THSD7A: variants seen among roughly 807,000 people sequenced by gnomAD.
The protein encoded by THSD7A is thrombospondin type-1 domain-containing protein 7A.
In THSD7A, 96 loss-of-function variants were observed where a neutral mutation model predicts 231.3. The observed-to-expected ratio is 0.41, with a 90% CI of 0.35 to 0.49. The LOEUF is 0.49. Among genes scored for constraint, THSD7A ranks in the 20% least tolerant of loss-of-function variants. The pLI, the probability that THSD7A is intolerant of heterozygous loss-of-function variation, is 0.05. For synonymous variants in THSD7A, 940 were observed against 743.3 expected (o/e 1.26, Z -4.30); for missense variants, 2,290 against 2,070.2 (o/e 1.11, Z -2.06).
chr7:11,504,332 G>C (rs185169160), intron 6 of THSD7A, among the ~76,000 whole-genome samples: 1 of 152,202 alleles, frequency 6.6e-6, no homozygotes, highest in East Asian at 1.9e-4. Context: ...GGAGGAAGGA[G>C]AGGAGCAGAA....
chr7:11,818,294 A>G (rs1052941221), intron 1 of THSD7A, among the ~76,000 whole-genome samples: 11 of 152,230 alleles, frequency 7.2e-5, no homozygotes, highest in African/African-American at 2.4e-4. Context: ...TAGCTACATA[A>G]TCAATGTCTG....
At chr7:11,649,001 G>T (rs1782391992) in intron 1 of THSD7A, among the ~76,000 whole-genome samples, 1 of 151,946 alleles carries the variant, frequency 6.6e-6, no homozygotes, top group Non-Finnish European at 1.5e-5. Context: ...TGCTGTTCAT[G>T]CCTTTTTATA....
intron 9 of THSD7A, among the ~76,000 whole-genome samples, chr7:11,462,996 A>C (rs1358285632): frequency 6.6e-6 from 1 of 152,162 alleles, no homozygotes; most frequent in East Asian, 1.9e-4. Context: ...TGCATGGCAC[A>C]GGGTTTTACT....
At chr7:11,737,403 C>T (rs903517661) in intron 1 of THSD7A, among the ~76,000 whole-genome samples, 1 of 151,942 alleles carries the variant, frequency 6.6e-6, no homozygotes, top group East Asian at 2.0e-4. Flanking sequence ...GGTCACCAGG[C>T]AGAATGGATG....
Position 11,412,725 on chromosome 7 carries a change from G to C in THSD7A, c.3613C>G (p.Pro1205Ala), listed in dbSNP as rs755469069. ...CAGGGTTCTTTCTCAACAGCATTAG[G>C]GCAAGATCTTCCTTCATCAGCTGGT... ...RQPADEGRSC[P>A]NAVEKEPCNL... The change falls in exon 18 of 28, where the codon CCT becomes GCT. Residue 1205 changes from proline (P) to alanine (A), a missense_variant. Pro to Ala is a conservative substitution (Grantham distance 27). Transcript: ENST00000423059. The C allele has an allele frequency of 8.1e-6, 13 of 1,613,586 alleles. No homozygotes were observed. The East Asian group carries it at 2.5e-4, about 30-fold the overall frequency.
chr7:11,381,943 T>C (rs1403940152), intron 24 of THSD7A, among the ~76,000 whole-genome samples: 1 of 152,170 alleles, frequency 6.6e-6, no homozygotes, highest in Non-Finnish European at 1.5e-5. Context: ...GTTCTTCCTT[T>C]GGATTTCTTC....
Position 11,474,442 on chromosome 7 carries a change from G to C in THSD7A, c.2144C>G (p.Ser715Cys), listed in dbSNP as rs1786062534. 1 of 1,613,496 alleles carries C rather than the reference G, an allele frequency of 6.2e-7. No individual in the cohort carries two copies. ...ATTCCAAGTCGTAGTTGTGTTGAAG[G>C]ACGATACTGAGGTGTCCTCAATGCA... ...GQCIEDTSVS[S>C]FNTTTTWNGE... The change falls in exon 8 of 28, where the codon TCC becomes TGC. Residue 715 changes from serine to cysteine, a missense_variant. Physicochemically the swap from Ser to Cys is moderately radical, Grantham distance 112. Transcript: ENST00000423059. The surrounding 1 kb of genome is among the most constrained non-coding windows in gnomAD (Gnocchi z 4.1).
At chr7:11,508,205 G>C (rs1787638847) in intron 6 of THSD7A, among the ~76,000 whole-genome samples, 1 of 152,180 alleles carries the variant, frequency 6.6e-6, no homozygotes, top group Non-Finnish European at 1.5e-5. Context: ...TTCAAGAGGA[G>C]ATTTGGGTGG....
chr7:11,560,571 G>A (rs578120679), intron 4 of THSD7A, among the ~76,000 whole-genome samples: 25 of 152,026 alleles, frequency 1.6e-4, no homozygotes, highest in African/African-American at 3.6e-4. Flanking sequence ...CAGTTTTTTC[G>A]CCTTCCAGAT....
chr7:11,629,486 T>C (rs967617584), intron 2 of THSD7A, among the ~76,000 whole-genome samples: 37 of 152,160 alleles, frequency 2.4e-4, no homozygotes, highest in Admixed American at 2.3e-3. Context: ...AAGCCTGCTA[T>C]TTAGAAGTAG....
intron 16 of THSD7A, among the ~76,000 whole-genome samples, chr7:11,418,071 G>A (rs753820727): frequency 6.6e-6 from 1 of 152,186 alleles, no homozygotes; most frequent in African/African-American, 2.4e-5. Flanking sequence ...TATATGTGAT[G>A]AGAGACCAGG....
At chr7:11,453,697 T>C (rs1355039072) in intron 11 of THSD7A, among the ~76,000 whole-genome samples, 1 of 152,024 alleles carries the variant, frequency 6.6e-6, no homozygotes, top group Non-Finnish European at 1.5e-5. Context: ...AAATTTACCA[T>C]CATTTATGTG....
chr7:11,679,061 T>C (rs149968339), intron 1 of THSD7A, among the ~76,000 whole-genome samples: 1,612 of 152,242 alleles, frequency 0.011, 31 homozygotes, highest in African/African-American at 0.037. Context: ...AATCAATAAA[T>C]GTAATCCATC....
chr7:11,572,219 T>C (rs560061576), intron 4 of THSD7A, among the ~76,000 whole-genome samples: 1 of 152,098 alleles, frequency 6.6e-6, no homozygotes, highest in Non-Finnish European at 1.5e-5. Context: ...ACCTTGTGTT[T>C]ACTTTGTTTT....
At chr7:11,734,719 G>GA (rs1167510220) in intron 1 of THSD7A, among the ~76,000 whole-genome samples, 2 of 151,816 alleles carry the variant, frequency 1.3e-5, no homozygotes, top group Non-Finnish European at 2.9e-5. Context: ...ACATCCTAAA[G>GA]AAAATTTTTT....
chr7:11,461,205 C>T (rs1358452115), intron 10 of THSD7A, among the ~76,000 whole-genome samples: 2 of 151,484 alleles, frequency 1.3e-5, no homozygotes, highest in Non-Finnish European at 2.9e-5. Flanking sequence ...GTATAATATG[C>T]TTTACAAAAA....
intron 1 of THSD7A, among the ~76,000 whole-genome samples, chr7:11,781,671 T>C (rs1202075693): frequency 6.6e-6 from 1 of 152,194 alleles, no homozygotes; most frequent in Admixed American, 6.5e-5. Context: ...CTTTCTTGCT[T>C]GTATGTTCGT....
At chr7:11,759,542 G>A (rs1490963477) in intron 1 of THSD7A, among the ~76,000 whole-genome samples, 2 of 151,838 alleles carry the variant, frequency 1.3e-5, no homozygotes. Context: ...AAGAATAAGG[G>A]AAGGCAATAG....
rs116818167 is a variant in THSD7A, at chr7:11,731,103, G to A, written c.191-94142C>T. Among the ~76,000 whole-genome samples the A allele has an allele frequency of 4.4e-3, 661 of 151,282 alleles. 3 individuals are homozygous for A. Among genetic ancestry groups the A allele is most frequent in the African/African-American group, 0.015 (618 of 41,366 alleles). On this transcript the variant is annotated intron_variant, in intron 1 of 27. Transcript: ENST00000423059. The stretch of plus-strand genomic sequence containing the variant: ...TAATTTTGTCTCTTTTCAATATACT[G>A]AACTTATTTCCTTTCCTTAAATCCT...
Sources: allele counts gnomAD v4.1 joint callset (sites outside exome capture counted in the v4.1 genomes callset), GRCh38; gene constraint gnomAD v4.1.1; non-coding constraint Gnocchi (gnomAD v3.1); transcripts MANE v1.5; gene names NCBI Gene and HGNC (gene_info 2026-07-23, HGNC 2026-07-21).